SLC2A9: variants seen among roughly 807,000 people sequenced by gnomAD.
SLC2A9 encodes the protein solute carrier family 2, facilitated glucose transporter member 9.
SLC2A9 carries 39 observed loss-of-function variants against 50.6 expected under a neutral mutation model. The ratio of observed to expected loss-of-function variants is 0.77; its 90% confidence interval spans 0.60 to 1.01. SLC2A9 has a LOEUF of 1.01. Among genes scored for constraint, SLC2A9 ranks in the 50% least tolerant of loss-of-function variants. The pLI is 0.00. For synonymous variants in SLC2A9, 324 were observed against 276.9 expected, an observed-to-expected ratio of 1.17 and a Z score of -1.69; for missense variants, 686 against 677.6, an observed-to-expected ratio of 1.01 and a Z score of -0.14.
At chr4:9,795,396 G>C (rs1033987931), downstream of SLC2A9, among the ~76,000 whole-genome samples, 1 of 152,188 alleles carries the variant, frequency 6.6e-6, no homozygotes, top group Non-Finnish European at 1.5e-5. Context: ...CTTGCTTGTA[G>C]GTGAAAGTTA....
intron 2 of SLC2A9, among the ~76,000 whole-genome samples, chr4:10,010,437 C>T (rs772751962): frequency 7.9e-5 from 12 of 152,122 alleles, no homozygotes; most frequent in South Asian, 2.1e-4. Context: ...TAGTGAGAAC[C>T]CCCAAATGTG....
chr4:9,781,000 C>T (rs1206912478), intron 3 of SLC2A9, among the ~76,000 whole-genome samples: 1 of 152,094 alleles, frequency 6.6e-6, no homozygotes, highest in Non-Finnish European at 1.5e-5. Flanking sequence ...AAAAATCGTT[C>T]AAGGACTGGG....
At chr4:9,773,629 C>T (rs1182928395) in intron 1 of SLC2A9, among the ~76,000 whole-genome samples, 1 of 152,226 alleles carries the variant, frequency 6.6e-6, no homozygotes. Context: ...CGTTTCCTCA[C>T]TATCATCCCC....
chr4:9,872,737 AC>A (rs1308058093), intron 10 of SLC2A9, among the ~76,000 whole-genome samples: 16 of 152,364 alleles, frequency 1.1e-4, no homozygotes, highest in African/African-American at 3.8e-4. Flanking sequence ...AACAAAAAAA[AC>A]ATTCTACAGA....
chr4:9,814,888 C>A (rs867636489), intron 3 of SLC2A9, among the ~76,000 whole-genome samples: 11 of 151,870 alleles, frequency 7.2e-5, no homozygotes, highest in South Asian at 2.1e-4. Context: ...TCCACCAAGA[C>A]CACAAGGTTA....
At chr4:9,823,668 C>G (rs1045556230), downstream of SLC2A9, among the ~76,000 whole-genome samples, 3 of 152,038 alleles carry the variant, frequency 2.0e-5, no homozygotes, top group Non-Finnish European at 4.4e-5. Context: ...AAGAATACCC[C>G]CTAGATTTGT....
downstream of SLC2A9, among the ~76,000 whole-genome samples, chr4:9,821,242 G>T (rs1055915561): frequency 1.3e-5 from 2 of 152,060 alleles, no homozygotes; most frequent in South Asian, 4.2e-4. Flanking sequence ...ACTGATTTTG[G>T]AATATTGAAA....
intron 3 of SLC2A9, among the ~76,000 whole-genome samples, chr4:9,804,955 C>T (rs1560134426): frequency 1.3e-5 from 2 of 152,098 alleles, no homozygotes; most frequent in Non-Finnish European, 2.9e-5. Context: ...AGGCTTCTAT[C>T]CTCCCTAGAG....
chr4:9,879,807 T>A (rs1463289000), intron 10 of SLC2A9: 1 of 985,362 alleles, frequency 1.0e-6, no homozygotes, highest in African/African-American at 1.7e-5. Flanking sequence ...CTTCTTTTTT[T>A]AAAAGGTGAA....
downstream of SLC2A9, among the ~76,000 whole-genome samples, chr4:9,822,356 A>G (rs939158249): frequency 1.3e-5 from 2 of 151,330 alleles, no homozygotes; most frequent in Admixed American, 1.3e-4. Flanking sequence ...GTTTGCTTTT[A>G]TTTTTCTAGT....
chr4:10,012,285 T>C (rs1032213260), intron 2 of SLC2A9, among the ~76,000 whole-genome samples: 1 of 152,164 alleles, frequency 6.6e-6, no homozygotes, highest in African/African-American at 2.4e-5. Flanking sequence ...GTGAACATGG[T>C]GGAGGTGGTC....
At chr4:9,879,832 C>G (rs1734909411) in intron 10 of SLC2A9, 15 of 985,276 alleles carry the variant, frequency 1.5e-5, no homozygotes, top group Non-Finnish European at 1.7e-5. Flanking sequence ...TTTTATTTTG[C>G]CTCATTTATT....
downstream of SLC2A9, among the ~76,000 whole-genome samples, chr4:9,824,715 T>C (rs768538643): frequency 6.6e-6 from 1 of 152,246 alleles, no homozygotes; most frequent in Non-Finnish European, 1.5e-5. Flanking sequence ...AGCTAGTGCC[T>C]TGTCTATGAT....
At chr4:9,776,255 A>C (rs560820026), downstream of SLC2A9, among the ~76,000 whole-genome samples, 2 of 151,718 alleles carry the variant, frequency 1.3e-5, no homozygotes, top group East Asian at 3.9e-4. Context: ...AAGCACAATA[A>C]TTAAATGAGG....
intron 10 of SLC2A9, chr4:9,880,628 G>C (rs938559618): frequency 3.2e-6 from 3 of 931,658 alleles, no homozygotes; most frequent in Non-Finnish European, 3.8e-6. Context: ...GTCCAATCTG[G>C]CTTGTTTGTG....
chr4:9,880,651 G>T, intron 10 of SLC2A9: 1 of 754,418 alleles, frequency 1.3e-6, no homozygotes, highest in East Asian at 1.3e-4. Context: ...CATGGGTGGG[G>T]AAGAAGGTCA....
intron 10 of SLC2A9, among the ~76,000 whole-genome samples, chr4:9,841,050 C>A (rs1482496818): frequency 6.6e-6 from 1 of 152,180 alleles, no homozygotes. Flanking sequence ...CCTCCCCTGA[C>A]ATGTGGGGAT....
intron 1 of SLC2A9, among the ~76,000 whole-genome samples, chr4:10,026,823 C>A (rs540267136): frequency 6.6e-6 from 1 of 152,226 alleles, no homozygotes; most frequent in Non-Finnish European, 1.5e-5. Flanking sequence ...GCGGGTGGAT[C>A]ACCTGAGGTT....
chr4:9,775,813 T>C (rs1717477866), downstream of SLC2A9, among the ~76,000 whole-genome samples: 1 of 152,180 alleles, frequency 6.6e-6, no homozygotes, highest in Middle Eastern at 3.2e-3. Flanking sequence ...TTACCTTGTC[T>C]CAGATATTTC....
Sources: allele counts gnomAD v4.1 joint callset (sites outside exome capture counted in the v4.1 genomes callset), GRCh38; gene constraint gnomAD v4.1.1; transcripts MANE v1.5; gene names NCBI Gene and HGNC (gene_info 2026-07-23, HGNC 2026-07-21).